Variants in DCHS1 observed in about 807,000 individuals in gnomAD.
DCHS1 encodes the protein protocadherin-16.
DCHS1 carries 78 observed loss-of-function variants against 213.9 expected under a neutral mutation model. The observed-to-expected ratio is 0.36, with a 90% CI of 0.30 to 0.44. DCHS1 has a LOEUF of 0.44. Among genes scored for constraint, DCHS1 ranks in the 20% least tolerant of loss-of-function variants. The probability of loss-of-function intolerance (pLI) is 1.00; values close to 1 mark genes in which losing one functional copy is unlikely to be tolerated. For missense variants in DCHS1, 3,946 were observed against 4,395.9 expected (o/e 0.90, Z 2.89); for synonymous variants, 1,828 against 1,873.7 (o/e 0.98, Z 0.63).
intron 1 of DCHS1, among the ~76,000 whole-genome samples, chr11:6,645,661 G>A (rs1856143587): frequency 6.6e-6 from 1 of 152,190 alleles, no homozygotes; most frequent in African/African-American, 2.4e-5. Context: ...CAAGAGGAGA[G>A]ACTCATGTCC....
Position 6,641,505 on chromosome 11 carries a change from C to G in DCHS1, c.109G>C (p.Val37Leu). Residue 37 changes from valine to leucine, a missense_variant, in exon 2 of 21, where the codon GTG (valine) becomes CTG (leucine). This residue lies in a region of DCHS1 where 3,384 missense variants were observed against 3,780.1 expected (regional missense o/e 0.90). Transcript: ENST00000299441. The surrounding 1 kb of genome is among the most constrained non-coding windows in gnomAD (Gnocchi z 7.1). ...LLLLLLLGAG[V>L]PGAWGQAGSL... ...CCAGCCTGACCCCAGGCACCTGGCACCCCAGCCCCCAGCAGCAGCAGCAGC... is the reference window on the plus strand; with the variant it reads ...CCAGCCTGACCCCAGGCACCTGGCAGCCCAGCCCCCAGCAGCAGCAGCAGC... 1 of 1,558,990 alleles carries G rather than the reference C, an allele frequency of 6.4e-7. No individual in the cohort carries two copies. Among genetic ancestry groups the G allele is most frequent in the Non-Finnish European group, 8.7e-7 (1 of 1,152,710 alleles).
Position 6,621,758 on chromosome 11 carries a change from G to C in DCHS1, c.*21C>G. ...GGGGACACTGTGCGCATCCCAGGTC[G>C]GGGCCCAGCCTGGGCCACAGCTAGA... On this transcript the variant is annotated 3_prime_UTR_variant, in exon 21 of 21. Coordinates refer to ENST00000299441, the MANE Select transcript of DCHS1 (RefSeq NM_003737.4). 6.4e-7 allele frequency: 1 copy of C among 1,559,370 alleles called. No homozygotes were observed. The highest frequency in any genetic ancestry group is 8.7e-7 in the Non-Finnish European group (1 of 1,153,162).
rs2659871 is a variant in DCHS1 at position 6,631,387 on chromosome 11, C to T, written c.3696G>A (p.Pro1232=). ...CCTGCAGAGTCGTCACCAGTGTTCCCGGAGGCACGCGGTCTGGTACCTGTG... is the reference window on the plus strand; with the variant it reads ...CCTGCAGAGTCGTCACCAGTGTTCCTGGAGGCACGCGGTCTGGTACCTGTG... ...LPIQVPDRVP[P]GTLVTTLQAK... The change falls in exon 8 of 21, where the codon CCG becomes CCA. Residue 1232 remains proline, a synonymous_variant. Transcript: ENST00000299441. 642,139 of 1,613,602 alleles carry T rather than the reference C, an allele frequency of 0.4. 129,342 individuals are homozygous for T. The highest frequency in any genetic ancestry group is 0.56 in the African/African-American group (42,004 of 74,938).
rs766255028 is a variant in DCHS1 at position 6,640,814 on chromosome 11, C to G, written c.800G>C (p.Ser267Thr). The change falls in exon 2 of 21, where the codon AGC becomes ACC. Residue 267 changes from serine to threonine, a missense_variant. Transcript: ENST00000299441. The surrounding 1 kb of genome is among the most constrained non-coding windows in gnomAD (Gnocchi z 6.5). Reference protein sequence around the residue: ...QSRYHAVVSESLAPGSPVLQV... With the variant: ...QSRYHAVVSETLAPGSPVLQV... The stretch of plus-strand genomic sequence containing the variant: ...CAAGACAGGACTGCCAGGGGCCAGG[C>G]TCTCAGACACCACAGCATGGTAGCG... 1 of 1,614,064 alleles carries G rather than the reference C, an allele frequency of 6.2e-7. No homozygotes were observed.
chr11:6,625,639 G>T lies in DCHS1; in HGVS notation c.6820C>A (p.Arg2274Ser), dbSNP rs747850327. 1 of 1,613,566 alleles carries T rather than the reference G, an allele frequency of 6.2e-7. No homozygotes were observed. Among genetic ancestry groups the T allele is most frequent in the South Asian group, 1.1e-5 (1 of 91,058 alleles). ...TCCCAGGGTTGGGGGATGGTGGGGCGATTGTCATTGGTGTCGATGACCATC... is the reference window on the plus strand; with the variant it reads ...TCCCAGGGTTGGGGGATGGTGGGGCTATTGTCATTGGTGTCGATGACCATC... ...TVMVIDTNDNRPTIPQPWELR... is the reference protein window; with the variant it reads ...TVMVIDTNDNSPTIPQPWELR... Residue 2274 changes from arginine (R) to serine (S), a missense_variant, in exon 18 of 21, where the codon CGC (arginine) becomes AGC (serine). By Grantham distance (110) the Arg-to-Ser change is moderately radical. Transcript: ENST00000299441. The surrounding 1 kb of genome is among the most constrained non-coding windows in gnomAD (Gnocchi z 5.3).
rs1035133321 is a variant in DCHS1, at chr11:6,623,066, C to T, written c.8610G>A (p.Leu2870=). ...GINQTTGALY[L]RVDSRAPGSG... is the part of the protein sequence containing the mutation. The stretch of plus-strand genomic sequence containing the variant: ...TGCCTGGTGCCCGACTGTCCACCCG[C>T]AGGTACAGGGCTCCTGTAGTCTGGT... Residue 2870 remains leucine, a synonymous_variant, in exon 21 of 21, where the codon CTG becomes CTA. Coordinates refer to ENST00000299441, the MANE Select transcript of DCHS1 (RefSeq NM_003737.4). The T allele has an allele frequency of 9.5e-6, 15 of 1,587,136 alleles. No individual in the cohort carries two copies. The highest frequency in any genetic ancestry group is 1.2e-5 in the Non-Finnish European group (14 of 1,166,790).
In DCHS1 at chr11:6,625,510, C is replaced by T; in HGVS notation, c.6863-29G>A. On this transcript the variant is annotated intron_variant, in intron 18 of 20. Transcript: ENST00000299441. The surrounding 1 kb of genome is among the most constrained non-coding windows in gnomAD (Gnocchi z 5.3). The stretch of plus-strand genomic sequence containing the variant: ...GAATACATGAGACTAGTGTGTTTGG[C>T]AATGGACACAGCCCCACCTTGAGCT... 2 of 1,607,316 alleles carry T rather than the reference C, an allele frequency of 1.2e-6. No homozygotes were observed. The highest frequency in any genetic ancestry group is 8.5e-7 in the Non-Finnish European group (1 of 1,178,032).
At chr11:6,642,650 T>A (rs937180669) in intron 1 of DCHS1, among the ~76,000 whole-genome samples, 5 of 150,558 alleles carry the variant, frequency 3.3e-5, no homozygotes, top group Admixed American at 2.7e-4. Context: ...GGGGGGGGCA[T>A]GTGTGTGAAG....
At chr11:6,624,544 A>T (rs1430231346) in intron 20 of DCHS1, among the ~76,000 whole-genome samples, 154 bp from the exon 21 acceptor site, 2 of 152,252 alleles carry the variant, frequency 1.3e-5, no homozygotes, top group Non-Finnish European at 2.9e-5. Flanking sequence ...AAGGATTCAC[A>T]GCTTAGGGAA....
chr11:6,624,533 C>T (rs1855762496), intron 20 of DCHS1, 143 bp from the exon 21 acceptor site: 1 of 1,289,506 alleles, frequency 7.8e-7, no homozygotes, highest in African/African-American at 1.5e-5. Flanking sequence ...GGGATGGCCT[C>T]AAGGATTCAC....
chr11:6,629,453 T>C lies in DCHS1; in HGVS notation c.5160A>G (p.Thr1720=). 1 of 1,612,932 alleles carries C rather than the reference T, an allele frequency of 6.2e-7. No individual in the cohort carries two copies. The highest frequency in any genetic ancestry group is 8.5e-7 in the Non-Finnish European group (1 of 1,179,464). The change falls in exon 12 of 21, where the codon ACA becomes ACG. Residue 1720 remains threonine (T), a splice_region_variant and synonymous_variant. Transcript: ENST00000299441. The part of the protein sequence containing the change: ...DREEQEEINL[T]VYAQDRGSPP... ...TCTTGGGGTCCTGTCAACATGTACCTGTCAGGTTGATCTCCTCCTGTTCCT... is the reference window on the plus strand; with the variant it reads ...TCTTGGGGTCCTGTCAACATGTACCCGTCAGGTTGATCTCCTCCTGTTCCT...
At chr11:6,637,717 C>A (rs1224872876) in intron 2 of DCHS1, among the ~76,000 whole-genome samples, 1 of 151,960 alleles carries the variant, frequency 6.6e-6, no homozygotes, top group African/African-American at 2.4e-5. Context: ...ACTCATACTG[C>A]CTATCTGTAC....
intron 1 of DCHS1, among the ~76,000 whole-genome samples, chr11:6,643,433 T>C (rs1480849573): frequency 6.6e-6 from 1 of 152,194 alleles, no homozygotes; most frequent in Non-Finnish European, 1.5e-5. Context: ...GCCACCTGTT[T>C]ATCTTCCTTT....
In DCHS1 at chr11:6,627,162, G is replaced by A. The variant is rs1855821131; in HGVS notation, c.5877C>T (p.Thr1959=). 6.2e-7 allele frequency: 1 copy of A among 1,612,020 alleles called. No individual in the cohort carries two copies. The highest frequency in any genetic ancestry group is 1.3e-5 in the African/African-American group (1 of 74,912). The change falls in exon 14 of 21, where the codon ACC becomes ACT. Residue 1959 remains threonine (T), a synonymous_variant. Transcript: ENST00000299441. This position sits in a 1 kb window ranked among gnomAD's most constrained non-coding sequence, Gnocchi z 5.4. The stretch of plus-strand genomic sequence containing the variant: ...GTAGGCGCAGAGGACTGGTGGGGAA[G>A]GTGGGTGCATGGTCATTGACATCGC... ...TVRDVNDHAP[T]FPTSPLRLRL...
intron 2 of DCHS1, chr11:6,635,231 T>G (rs1300593501): frequency 6.6e-6 from 1 of 152,180 alleles, no homozygotes; most frequent in Non-Finnish European, 1.5e-5. Flanking sequence ...GATTTATGGG[T>G]GTGTGGCTCA....
chr11:6,642,875 G>A (rs934730052), intron 1 of DCHS1, among the ~76,000 whole-genome samples: 9 of 152,198 alleles, frequency 5.9e-5, no homozygotes, highest in Non-Finnish European at 1.0e-4. Flanking sequence ...TGGGCATCCA[G>A]GAGATGACAC....
Position 6,626,577 on chromosome 11 carries a change from C to A in DCHS1, c.6339G>T (p.Gly2113=). ...CTGTACTAGGCTGGATGGAGAATGT[C>A]CCTTTCTCATTCCCACTGAGAATGC... The part of the protein sequence containing the change: ...TYSILSGNEK[G]TFSIQPSTGA... The change falls in exon 15 of 21, where the codon GGG becomes GGT. Residue 2113 remains glycine (G), a synonymous_variant. Transcript: ENST00000299441. This position sits in a 1 kb window ranked among gnomAD's most constrained non-coding sequence, Gnocchi z 5.2. 1 of 1,614,024 alleles carries A rather than the reference C, an allele frequency of 6.2e-7. No homozygotes were observed. Among genetic ancestry groups the A allele is most frequent in the Non-Finnish European group, 8.5e-7 (1 of 1,179,902 alleles).
In DCHS1 at chr11:6,622,252, A is replaced by G. The variant is rs1855706972; in HGVS notation, c.9424T>C (p.Cys3142Arg). The G allele has an allele frequency of 6.2e-7, 1 of 1,603,312 alleles. No homozygotes were observed. Among genetic ancestry groups the G allele is most frequent in the Non-Finnish European group, 8.5e-7 (1 of 1,176,284 alleles). Residue 3142 changes from cysteine (C) to arginine (R), a missense_variant, in exon 21 of 21, where the codon TGT becomes CGT. This residue lies in a region of DCHS1 where 554 missense variants were observed against 590.2 expected (regional missense o/e 0.94). Coordinates refer to ENST00000299441, the MANE Select transcript of DCHS1 (RefSeq NM_003737.4). The surrounding 1 kb of genome is among the most constrained non-coding windows in gnomAD (Gnocchi z 5.4). ...ATGGCTGTCAGCGCACCTGCCACAC[A>G]TGGCTTGCCATCTGCTGGGAAGCCA... ...DYGFPADGKP[C>R]VAGALTAIVA...
Position 6,631,641 on chromosome 11 carries a change from G to T in DCHS1, c.3650C>A (p.Ala1217Asp). The change falls in exon 7 of 21, where the codon GCT becomes GAT. Residue 1217 changes from alanine (A) to aspartate (D), a missense_variant. Physicochemically the swap from Ala to Asp is moderately radical, Grantham distance 126. This residue lies in a region of DCHS1 where 3,384 missense variants were observed against 3,780.1 expected (regional missense o/e 0.90). Coordinates refer to ENST00000299441, the MANE Select transcript of DCHS1 (RefSeq NM_003737.4). ...CTGTATAGGGAGGCCCCCACCAGCA[G>T]CTCCTGAAGCCTGCAGGAACGTGGG... ...NSPTFLQASG[A>D]AGGGLPIQVP... 6.3e-7 allele frequency: 1 copy of T among 1,588,520 alleles called. No individual in the cohort carries two copies. The highest frequency in any genetic ancestry group is 8.6e-7 in the Non-Finnish European group (1 of 1,167,578).
Sources: allele counts gnomAD v4.1 joint callset (sites outside exome capture counted in the v4.1 genomes callset), GRCh38; gene constraint gnomAD v4.1.1; regional missense constraint gnomAD v4.1.1; non-coding constraint Gnocchi (gnomAD v3.1); transcripts MANE v1.5; gene names NCBI Gene and HGNC (gene_info 2026-07-23, HGNC 2026-07-21).